FOXK1: variants seen among roughly 807,000 people sequenced by gnomAD.
FOXK1 encodes forkhead box protein K1.
In FOXK1, 19 loss-of-function variants were observed where a neutral mutation model predicts 51.9. The observed-to-expected ratio is 0.37, with a 90% CI of 0.26 to 0.54. The LOEUF (loss-of-function observed/expected upper bound fraction) is 0.54. Among genes scored for constraint, FOXK1 ranks in the 20% least tolerant of loss-of-function variants. The pLI is 0.87. For missense variants in FOXK1, 870 were observed against 1,032.7 expected (o/e 0.84, Z 2.16); for synonymous variants, 537 against 482.6 (o/e 1.11, Z -1.48).
Position 4,711,978 on chromosome 7 carries a change from C to T in FOXK1, c.561-28860C>T, listed in dbSNP as rs539356872. On this transcript the variant is annotated intron_variant, in intron 1 of 8. Coordinates refer to ENST00000328914, the MANE Select transcript of FOXK1 (RefSeq NM_001037165.2). This position sits in a 1 kb window ranked among gnomAD's most constrained non-coding sequence, Gnocchi z 6.3. ...AGGTGCCGCCGAGCAGGAGGGAGGA[C>T]GCGGCAGGTCACAGAGCCCACCAAG... 1.3e-5 allele frequency among the ~76,000 whole-genome samples: 2 copies of T among 151,138 alleles called. No individual in the cohort carries two copies. Among genetic ancestry groups the T allele is most frequent in the East Asian group, 3.9e-4 (2 of 5,146 alleles).
intron 1 of FOXK1, among the ~76,000 whole-genome samples, chr7:4,721,486 T>C (rs113597586): frequency 6.6e-6 from 1 of 152,142 alleles, no homozygotes; most frequent in Non-Finnish European, 1.5e-5. Context: ...AGAAAGAACT[T>C]TTTCTGAAAC....
rs1260901458 is a variant in FOXK1, at chr7:4,759,026, G to A, written c.1245-25G>A. On this transcript the variant is annotated intron_variant, in intron 5 of 8. Coordinates refer to ENST00000328914, the MANE Select transcript of FOXK1 (RefSeq NM_001037165.2). ...GCATCCCTCAGCGCGGGCGCTGACTGCCGCGGCCCTTGCCTGTCTTCCAGG... is the reference window on the plus strand; with the variant it reads ...GCATCCCTCAGCGCGGGCGCTGACTACCGCGGCCCTTGCCTGTCTTCCAGG... 9 of 1,561,940 alleles carry A rather than the reference G, an allele frequency of 5.8e-6. No homozygotes were observed. The Admixed American group carries it at 7.4e-5, about 13-fold the overall frequency.
At chr7:4,714,360 C>T (rs1198015595) in intron 1 of FOXK1, among the ~76,000 whole-genome samples, 3 of 152,172 alleles carry the variant, frequency 2.0e-5, no homozygotes, top group African/African-American at 7.2e-5. Context: ...CTCACTGCAG[C>T]CTCCACTTCT....
At chr7:4,728,770 T>G (rs902531441) in intron 1 of FOXK1, among the ~76,000 whole-genome samples, 1 of 150,050 alleles carries the variant, frequency 6.7e-6, no homozygotes, top group African/African-American at 2.5e-5. Context: ...AGAAAACGTA[T>G]TTTTCTTAAG....
chr7:4,690,021 A>T lies in FOXK1; in HGVS notation c.560+7153A>T, dbSNP rs535602376. ...TCAGGTGGTGCTGTCTCGCTTCTCC[A>T]CGTGAAGGATCAGCCTGCAGTGCCA... On this transcript the variant is annotated intron_variant, in intron 1 of 8. Coordinates refer to ENST00000328914, the MANE Select transcript of FOXK1 (RefSeq NM_001037165.2). 6.6e-5 allele frequency among the ~76,000 whole-genome samples: 10 copies of T among 152,204 alleles called. No homozygotes were observed. In the East Asian group the frequency reaches 1.9e-3, roughly 29 times the overall value.
intron 7 of FOXK1, 200 bp downstream of exon 7, chr7:4,759,795 C>T (rs1780907643): frequency 1.2e-5 from 8 of 672,384 alleles, no homozygotes; most frequent in Non-Finnish European, 1.5e-5. Flanking sequence ...CTTTGGGAGG[C>T]CAAAGCGGGT....
intron 1 of FOXK1, among the ~76,000 whole-genome samples, chr7:4,702,014 G>A (rs1232969269): frequency 6.6e-6 from 1 of 152,214 alleles, no homozygotes; most frequent in Non-Finnish European, 1.5e-5. Context: ...GGTTGAGGCT[G>A]CGGTGAGCTG....
rs918815941 is a variant in FOXK1 at position 4,754,610 on chromosome 7, C to T, written c.898C>T (p.Pro300Ser). The change falls in exon 3 of 9, where the codon CCC (proline) becomes TCC (serine). Residue 300 changes from proline (P) to serine (S), a missense_variant. Physicochemically the swap from Pro to Ser is moderately conservative, Grantham distance 74. Transcript: ENST00000328914. Reference sequence around the variant, plus strand: ...GGCAGACACGTCTGGAGGAGACAGCCCCAAGGTCTGAGCCCACCTGGCGCC... The same window carrying T: ...GGCAGACACGTCTGGAGGAGACAGCTCCAAGGTCTGAGCCCACCTGGCGCC... ...QQADTSGGDS[P>S]KDESKPPFSY... 1.2e-6 allele frequency: 2 copies of T among 1,603,452 alleles called. No homozygotes were observed. The highest frequency in any genetic ancestry group is 2.7e-5 in the African/African-American group (2 of 74,936).
chr7:4,732,327 T>A (rs1349864563), intron 1 of FOXK1, among the ~76,000 whole-genome samples: 1 of 152,176 alleles, frequency 6.6e-6, no homozygotes, highest in African/African-American at 2.4e-5. Flanking sequence ...CCGACAGTTC[T>A]CCATTCATTC....
At position 4,762,091 on chromosome 7, in the gene FOXK1, G is replaced by A. The variant is rs1036543055; in HGVS notation, c.1922-93G>A. The stretch of plus-strand genomic sequence containing the variant: ...CAGGGGTGCACTGACCTCCGGTTCC[G>A]GCTTGGTGGCTTAGCCCCTGTATAG... On this transcript the variant is annotated intron_variant, in intron 8 of 8. Coordinates refer to ENST00000328914, the MANE Select transcript of FOXK1 (RefSeq NM_001037165.2). The surrounding 1 kb of genome is among the most constrained non-coding windows in gnomAD (Gnocchi z 5.7). The A allele has an allele frequency of 1.5e-5, 21 of 1,427,766 alleles. No homozygotes were observed. The Admixed American group carries it at 2.3e-4, about 16-fold the overall frequency. 88.4% of individuals were successfully genotyped at this position (1,427,766 alleles called of 1,614,324 possible).
At position 4,763,652 on chromosome 7, in the gene FOXK1, G is replaced by A. The variant is rs1419375309; in HGVS notation, c.*1188G>A. ...TGCCACACGGTGAGAACCGGAGGAC[G>A]GGATGCTCCAGCCAGTTGGGTGGTT... On this transcript the variant is annotated 3_prime_UTR_variant, in exon 9 of 9. Transcript: ENST00000328914. The A allele has an allele frequency of 6.6e-6, 1 of 152,320 alleles. No individual in the cohort carries two copies. Among genetic ancestry groups the A allele is most frequent in the Admixed American group, 6.5e-5 (1 of 15,288 alleles). The allele number at this position is 152,320 out of a possible 1,614,324, so 9.4% of individuals were successfully genotyped here. A position where few individuals can be genotyped will look rare whatever the true frequency, so the allele number is the denominator to read the frequency against.
intron 1 of FOXK1, among the ~76,000 whole-genome samples, chr7:4,708,075 TGGAA>T (rs202062440): frequency 6.6e-6 from 1 of 151,868 alleles, no homozygotes; most frequent in East Asian, 1.9e-4. Context: ...GGGAGTGAAC[TGGAA>T]GGATGAGACC....
At position 4,745,796 on chromosome 7, in the gene FOXK1, AG is replaced by A; in HGVS notation, c.746+4775del. ...TCCAAGCTACTTGGGAGGCTGAGGC[AG>A]GAGAATTGCTTGAACCTAGGAGGCA... On this transcript the variant is annotated intron_variant, in intron 2 of 8. Transcript: ENST00000328914. This position sits in a 1 kb window ranked among gnomAD's most constrained non-coding sequence, Gnocchi z 4.3. Among the ~76,000 whole-genome samples, 1 of 152,134 alleles carries A rather than the reference AG, an allele frequency of 6.6e-6. No homozygotes were observed. The highest frequency in any genetic ancestry group is 1.9e-4 in the East Asian group (1 of 5,192).
At chr7:4,740,354 C>T (rs1450915844) in intron 1 of FOXK1, among the ~76,000 whole-genome samples, 1 of 151,706 alleles carries the variant, frequency 6.6e-6, no homozygotes, top group Admixed American at 6.6e-5. Flanking sequence ...GGTGTGAACC[C>T]AGGAGGCGGA....
chr7:4,743,386 C>G lies in FOXK1; in HGVS notation c.746+2363C>G, dbSNP rs945083467. Among the ~76,000 whole-genome samples the G allele has an allele frequency of 6.6e-6, 1 of 152,110 alleles. No individual in the cohort carries two copies. The highest frequency in any genetic ancestry group is 6.6e-5 in the Admixed American group (1 of 15,252). ...GCAACATGGTGAAACCCCGTCTCTA[C>G]TAAAAATACAAAAATCAGCCAGGCA... On this transcript the variant is annotated intron_variant, in intron 2 of 8. Transcript: ENST00000328914. This position sits in a 1 kb window ranked among gnomAD's most constrained non-coding sequence, Gnocchi z 5.3.
intron 1 of FOXK1, among the ~76,000 whole-genome samples, chr7:4,702,793 G>A (rs575874024): frequency 6.6e-6 from 1 of 152,326 alleles, no homozygotes; most frequent in African/African-American, 2.4e-5. Context: ...CCTAGTGGGT[G>A]TAGCCCCCCA....
At chr7:4,760,645 G>A (rs181411454) in intron 7 of FOXK1, among the ~76,000 whole-genome samples, 1 of 152,326 alleles carries the variant, frequency 6.6e-6, no homozygotes, top group African/African-American at 2.4e-5. Context: ...GAGGTCAGAA[G>A]TTCAAGACCA....
At chr7:4,760,826 G>A (rs1780921802) in intron 7 of FOXK1, among the ~76,000 whole-genome samples, 1 of 152,198 alleles carries the variant, frequency 6.6e-6, no homozygotes. Flanking sequence ...ACTCCAGCCT[G>A]GGCGACAGAG....
In FOXK1 at chr7:4,683,892, A is replaced by G. The variant is rs1477468029; in HGVS notation, c.560+1024A>G. ...AGGCCTGGCGGGGAGGGGCGAGGAC[A>G]GGAAGCCTGTGCCTCAGTTTACATC... On this transcript the variant is annotated intron_variant, in intron 1 of 8. Transcript: ENST00000328914. This position sits in a 1 kb window ranked among gnomAD's most constrained non-coding sequence, Gnocchi z 4.5. 6.6e-6 allele frequency among the ~76,000 whole-genome samples: 1 copy of G among 152,158 alleles called. No homozygotes were observed. The highest frequency in any genetic ancestry group is 1.5e-5 in the Non-Finnish European group (1 of 68,016).
Sources: allele counts gnomAD v4.1 joint callset (sites outside exome capture counted in the v4.1 genomes callset), GRCh38; gene constraint gnomAD v4.1.1; non-coding constraint Gnocchi (gnomAD v3.1); transcripts MANE v1.5; gene names NCBI Gene and HGNC (gene_info 2026-07-23, HGNC 2026-07-21).